EVC2: variants seen among roughly 807,000 people sequenced by gnomAD.
The protein encoded by EVC2 is EvC ciliary complex subunit 2, also known as limbin.
Under a neutral mutation model 149.3 loss-of-function variants are expected in EVC2, and 148 were observed. The observed-to-expected ratio is 0.99, with a 90% confidence interval of 0.87 to 1.14. EVC2 has a LOEUF of 1.14. Among genes scored for constraint, EVC2 ranks in the 50% most tolerant of loss-of-function variants. The probability of loss-of-function intolerance (pLI) is 0.00; values close to 1 mark genes in which losing one functional copy is unlikely to be tolerated. For missense variants in EVC2, 1,854 were observed against 1,627.3 expected, an observed-to-expected ratio of 1.14 and a Z score of -2.40; for synonymous variants, 776 against 649.9, an observed-to-expected ratio of 1.19 and a Z score of -2.95.
At chr4:5,700,809 G>A (rs1254653906) in intron 1 of EVC2, among the ~76,000 whole-genome samples, 1 of 152,170 alleles carries the variant, frequency 6.6e-6, no homozygotes, top group Non-Finnish European at 1.5e-5. Context: ...AGCTGACACA[G>A]CTCCTGTCGA....
intron 19 of EVC2, among the ~76,000 whole-genome samples, chr4:5,571,281 G>A (rs1278077675): frequency 1.6e-5 from 2 of 128,360 alleles, no homozygotes; most frequent in Non-Finnish European, 3.1e-5. Context: ...TCGCGCCACT[G>A]CACTCCAGCC....
chr4:5,583,841 G>A (rs1409351346), intron 17 of EVC2, among the ~76,000 whole-genome samples: 1 of 148,022 alleles, frequency 6.8e-6, no homozygotes, highest in African/African-American at 2.5e-5. Context: ...TGTTTATGCT[G>A]TACTTCAGAA....
intron 20 of EVC2, 54 bp downstream of exon 20, chr4:5,568,390 G>A: frequency 6.6e-7 from 1 of 1,519,288 alleles, no homozygotes. Context: ...GGACTCATGG[G>A]GACCCTTGTG....
chr4:5,650,063 T>C (rs1299099567), intron 9 of EVC2, among the ~76,000 whole-genome samples: 2 of 152,220 alleles, frequency 1.3e-5, no homozygotes, highest in Non-Finnish European at 2.9e-5. Flanking sequence ...GCAGTTTGCA[T>C]CTTTCTTCGC....
At chr4:5,682,584 C>T (rs151252484) in intron 6 of EVC2, among the ~76,000 whole-genome samples, 1,708 of 150,132 alleles carry the variant, frequency 0.011, 29 homozygotes, top group African/African-American at 0.04. Context: ...ACTGGCTGGG[C>T]GCTGTGGCTC....
Position 5,569,641 on chromosome 4 carries a change from A to AG in EVC2, c.3361-1002dup, listed in dbSNP as rs1722528297. On this transcript the variant is annotated intron_variant, in intron 19 of 21. Coordinates refer to ENST00000344408, the MANE Select transcript of EVC2 (RefSeq NM_147127.5). The surrounding 1 kb of genome is among the most constrained non-coding windows in gnomAD (Gnocchi z 4.8). Reference sequence around the variant, plus strand: ...GCAGTGTCCAGCCAGGGGCCTGTGCAGGGGCAGGCAGGGGTGGGAGGGAAC... The same window carrying AG: ...GCAGTGTCCAGCCAGGGGCCTGTGCAGGGGGCAGGCAGGGGTGGGAGGGAAC... Among the ~76,000 whole-genome samples, 1 of 151,006 alleles carries AG rather than the reference A, an allele frequency of 6.6e-6. No homozygotes were observed. The highest frequency in any genetic ancestry group is 2.2e-4 in the South Asian group (1 of 4,626).
intron 11 of EVC2, among the ~76,000 whole-genome samples, chr4:5,631,572 G>C (rs1031969368): frequency 3.2e-4 from 49 of 151,672 alleles, no homozygotes; most frequent in Admixed American, 2.2e-3. Flanking sequence ...TAGACTGGGG[G>C]GGGGAACTGA....
intron 8 of EVC2, among the ~76,000 whole-genome samples, chr4:5,663,471 T>C (rs1351840799): frequency 6.6e-6 from 1 of 152,206 alleles, no homozygotes; most frequent in Non-Finnish European, 1.5e-5. Context: ...GAGGATGTTG[T>C]GTGGGTAAAG....
At chr4:5,546,381 G>C (rs1196178844) in intron 21 of EVC2, among the ~76,000 whole-genome samples, 1 of 152,148 alleles carries the variant, frequency 6.6e-6, no homozygotes, top group Non-Finnish European at 1.5e-5. Flanking sequence ...ATACTATGCA[G>C]CCATAAAAAA....
chr4:5,596,760 A>C (rs1429605297), intron 16 of EVC2, among the ~76,000 whole-genome samples: 2 of 152,208 alleles, frequency 1.3e-5, no homozygotes, highest in African/African-American at 4.8e-5. Context: ...AAAACCCTTC[A>C]AAAAATCAAT....
Position 5,588,460 on chromosome 4 carries a change from C to T in EVC2, c.2830-3610G>A, listed in dbSNP as rs116642163. On this transcript the variant is annotated intron_variant, in intron 16 of 21. Transcript: ENST00000344408. ...TCATCAAATTAGGCAAAATTTTAGC[C>T]GTTAATTCTTCCAATATGTTTTCAT... Among the ~76,000 whole-genome samples the T allele has an allele frequency of 6.4e-3, 967 of 152,166 alleles. 10 individuals carry two copies. The highest frequency in any genetic ancestry group is 0.022 in the African/African-American group (927 of 41,532).
chr4:5,666,369 G>A (rs904184082), intron 7 of EVC2, among the ~76,000 whole-genome samples: 1 of 152,122 alleles, frequency 6.6e-6, no homozygotes, highest in African/African-American at 2.4e-5. Context: ...ATCCAATCCT[G>A]TGACACTAAA....
At chr4:5,666,851 AG>A (rs1218185080) in intron 7 of EVC2, among the ~76,000 whole-genome samples, 1 of 152,178 alleles carries the variant, frequency 6.6e-6, no homozygotes, top group Non-Finnish European at 1.5e-5. Context: ...CGTTTGGAGA[AG>A]ATGCTCTTTT....
rs901930112 is a variant in EVC2 at position 5,614,123 on chromosome 4, G to C, written c.2829+1299C>G. Reference sequence around the variant, plus strand: ...CTGGGGAAGGCAGACAGACACTCAGGCTGCGGTCACACAGCGTCTACTCTT... The same window carrying C: ...CTGGGGAAGGCAGACAGACACTCAGCCTGCGGTCACACAGCGTCTACTCTT... On this transcript the variant is annotated intron_variant, in intron 16 of 21. Transcript: ENST00000344408. This position sits in a 1 kb window ranked among gnomAD's most constrained non-coding sequence, Gnocchi z 4.7. 1.3e-5 allele frequency among the ~76,000 whole-genome samples: 2 copies of C among 152,158 alleles called. No homozygotes were observed. Among genetic ancestry groups the C allele is most frequent in the East Asian group, 1.9e-4 (1 of 5,194 alleles).
Position 5,562,485 on chromosome 4 carries a change from G to A in EVC2, c.*363C>T, listed in dbSNP as rs1054926256. ...TTTTAAAATTCCCTTTATAAAAATAGAATATGTAACAAATACAAAACATAA... is the reference window on the plus strand; with the variant it reads ...TTTTAAAATTCCCTTTATAAAAATAAAATATGTAACAAATACAAAACATAA... On this transcript the variant is annotated 3_prime_UTR_variant, in exon 22 of 22. Coordinates refer to ENST00000344408, the MANE Select transcript of EVC2 (RefSeq NM_147127.5). This position sits in a 1 kb window ranked among gnomAD's most constrained non-coding sequence, Gnocchi z 4.3. 9.2e-7 allele frequency: 1 copy of A among 1,087,958 alleles called. No homozygotes were observed. The highest frequency in any genetic ancestry group is 3.1e-5 in the South Asian group (1 of 31,764). 67.4% of individuals were successfully genotyped at this position (1,087,958 alleles called of 1,614,324 possible). A position where few individuals can be genotyped will look rare whatever the true frequency, so the allele number is the denominator to read the frequency against.
intron 11 of EVC2, among the ~76,000 whole-genome samples, chr4:5,629,608 T>C (rs1346809136): frequency 2.0e-5 from 3 of 152,332 alleles, no homozygotes; most frequent in East Asian, 1.9e-4. Context: ...ACAGGGAACA[T>C]AGGACAGCAT....
chr4:5,699,879 G>A (rs554834729), intron 1 of EVC2, among the ~76,000 whole-genome samples: 9 of 152,158 alleles, frequency 5.9e-5, no homozygotes, highest in East Asian at 1.9e-4. Context: ...AGTGGCTCAC[G>A]CCTGTAATCC....
chr4:5,536,824 C>A, the EVC2 span, among the ~76,000 whole-genome samples: 1 of 151,872 alleles, frequency 6.6e-6, no homozygotes, highest in Non-Finnish European at 1.5e-5. Context: ...ATATAAATCT[C>A]TGTAGCATTT....
chr4:5,669,638 C>G (rs983459411), intron 7 of EVC2, among the ~76,000 whole-genome samples: 1 of 152,254 alleles, frequency 6.6e-6, no homozygotes, highest in Non-Finnish European at 1.5e-5. Context: ...CCCTGCCTCC[C>G]TCCCTCCTGC....
Sources: gnomAD v4.1 joint callset for allele counts (sites outside exome capture counted in the v4.1 genomes callset) on GRCh38, gnomAD v4.1.1 for gene constraint, Gnocchi (gnomAD v3.1) non-coding constraint, MANE v1.5 for transcripts, NCBI Gene and HGNC (gene_info 2026-07-23, HGNC 2026-07-21) for gene names.